The following NKAIN2 variants were observed in gnomAD, a reference collection of about 807,000 sequenced individuals.
The protein encoded by NKAIN2 is sodium/potassium-transporting ATPase subunit beta-1-interacting protein 2.
A neutral mutation model predicts 32.6 loss-of-function variants in NKAIN2; 14 were observed. That is an observed-to-expected ratio of 0.43 (90% CI 0.28 to 0.67). The LOEUF (loss-of-function observed/expected upper bound fraction) is 0.67. Among genes scored for constraint, NKAIN2 ranks in the 30% least tolerant of loss-of-function variants. The pLI is 0.17. For missense variants in NKAIN2, 198 were observed against 258.3 expected (o/e 0.77, Z 1.60); for synonymous variants, 80 against 87.2 (o/e 0.92, Z 0.46).
At chr6:124,286,665 TGTGTGTGTGCGCGCGC>T (rs1795560763) in intron 2 of NKAIN2, among the ~76,000 whole-genome samples, 2 of 123,922 alleles carry the variant, frequency 1.6e-5, no homozygotes, top group African/African-American at 9.3e-5. Flanking sequence ...TGTGTGTGTG[TGTGTGTGTGCGCGCGC>T]GTGTGTGTGT....
intron 1 of NKAIN2, among the ~76,000 whole-genome samples, chr6:124,216,209 G>A (rs1791471412): frequency 6.6e-6 from 1 of 151,864 alleles, no homozygotes; most frequent in Non-Finnish European, 1.5e-5. Context: ...AGAAATATGT[G>A]CGAGGATTTC....
intron 1 of NKAIN2, among the ~76,000 whole-genome samples, chr6:123,966,204 T>C (rs1400556140): frequency 6.6e-6 from 1 of 152,200 alleles, no homozygotes; most frequent in Non-Finnish European, 1.5e-5. Context: ...CAGGGAATAC[T>C]GGCTGAGAGA....
intron 1 of NKAIN2, among the ~76,000 whole-genome samples, chr6:124,163,770 T>G (rs1788393236): frequency 6.6e-6 from 1 of 151,906 alleles, no homozygotes; most frequent in African/African-American, 2.4e-5. Flanking sequence ...GTGGAAACTG[T>G]GAGGGAAGAT....
At chr6:124,100,197 G>GC (rs1270923189) in intron 1 of NKAIN2, among the ~76,000 whole-genome samples, 1 of 152,210 alleles carries the variant, frequency 6.6e-6, no homozygotes, top group Non-Finnish European at 1.5e-5. Context: ...ACAAAGCGAT[G>GC]CTTGAGTGCA....
intron 1 of NKAIN2, among the ~76,000 whole-genome samples, chr6:124,170,180 T>C (rs1437231399): frequency 1.3e-5 from 2 of 152,152 alleles, no homozygotes; most frequent in Non-Finnish European, 2.9e-5. Context: ...TTCCCTGCAT[T>C]ATTGTCTAAT....
Position 124,579,851 on chromosome 6 carries a change from C to T in NKAIN2, c.274-78335C>T, listed in dbSNP as rs74817575. Among the ~76,000 whole-genome samples the T allele has an allele frequency of 2.4e-3, 360 of 152,284 alleles. 1 individual carries two copies. The highest frequency in any genetic ancestry group is 8.2e-3 in the African/African-American group (342 of 41,538). ...GCAGCAAGAGAAAAGAAATTAATAA[C>T]ATACAATGGCGCTCCAATACATCTG... On this transcript the variant is annotated intron_variant, in intron 3 of 6. Transcript: ENST00000368417.
At chr6:124,121,862 T>G in intron 1 of NKAIN2, 1 of 1,118,238 alleles carries the variant, frequency 8.9e-7, no homozygotes, top group South Asian at 1.4e-5. Flanking sequence ...TATTTGTCCC[T>G]CTGGTATATT....
rs1294999350 is a variant in NKAIN2 at position 123,907,044 on chromosome 6, A to G, written c.54+102790A>G. ...AGCTAGAGGCCTTCTGTTGTATCTGATCTCCTGTGAACAGTGGCAATTTCT... is the reference window on the plus strand; with the variant it reads ...AGCTAGAGGCCTTCTGTTGTATCTGGTCTCCTGTGAACAGTGGCAATTTCT... On this transcript the variant is annotated intron_variant, in intron 1 of 6. Transcript: ENST00000368417. Among the ~76,000 whole-genome samples, 3 of 152,122 alleles carry G rather than the reference A, an allele frequency of 2.0e-5. No individual in the cohort carries two copies. The East Asian group carries it at 5.8e-4, about 29-fold the overall frequency.
intron 3 of NKAIN2, among the ~76,000 whole-genome samples, chr6:124,576,849 G>T (rs528024570): frequency 1.3e-5 from 2 of 152,216 alleles, no homozygotes; most frequent in East Asian, 3.9e-4. Flanking sequence ...AGACCTAAAT[G>T]TAAACCCAAA....
chr6:124,500,421 G>C (rs1778241661), intron 3 of NKAIN2, among the ~76,000 whole-genome samples: 2 of 152,020 alleles, frequency 1.3e-5, no homozygotes, highest in African/African-American at 4.8e-5. Flanking sequence ...GGCTGAGGCT[G>C]GTGGATCACT....
chr6:124,712,890 C>T (rs1195742130), intron 4 of NKAIN2, among the ~76,000 whole-genome samples: 1 of 152,038 alleles, frequency 6.6e-6, no homozygotes, highest in Admixed American at 6.5e-5. Flanking sequence ...AACATTGCAT[C>T]TCACTATATA....
chr6:124,207,513 T>C (rs1257713570), intron 1 of NKAIN2, among the ~76,000 whole-genome samples: 2 of 151,138 alleles, frequency 1.3e-5, no homozygotes, highest in Non-Finnish European at 3.0e-5. Context: ...ACAGTTTTAC[T>C]ATAGCATTTC....
chr6:124,446,927 G>T (rs1424838536), intron 3 of NKAIN2, among the ~76,000 whole-genome samples: 1 of 152,012 alleles, frequency 6.6e-6, no homozygotes, highest in East Asian at 1.9e-4. Context: ...GTATCTAGTG[G>T]GTGAACAGCA....
intron 1 of NKAIN2, among the ~76,000 whole-genome samples, chr6:123,885,393 G>A (rs1207754215): frequency 6.6e-6 from 1 of 151,932 alleles, no homozygotes; most frequent in Admixed American, 6.6e-5. Flanking sequence ...TACAATAACT[G>A]TATTTCAGCC....
At chr6:123,806,779 C>T (rs1314169740) in intron 1 of NKAIN2, among the ~76,000 whole-genome samples, 1 of 151,750 alleles carries the variant, frequency 6.6e-6, no homozygotes, top group Non-Finnish European at 1.5e-5. Context: ...GGAAAAAAGG[C>T]CAAAGAGACT....
intron 3 of NKAIN2, among the ~76,000 whole-genome samples, chr6:124,461,995 A>T (rs931738077): frequency 2.6e-5 from 4 of 151,922 alleles, no homozygotes; most frequent in Non-Finnish European, 5.9e-5. Context: ...AAAGTTGATG[A>T]TATCTCAATA....
intron 1 of NKAIN2, among the ~76,000 whole-genome samples, chr6:124,124,474 T>C (rs556909407): frequency 6.6e-6 from 1 of 152,278 alleles, no homozygotes; most frequent in East Asian, 1.9e-4. Context: ...TCCTGCAGAT[T>C]AATATAGCTA....
At chr6:124,657,174 C>T (rs755078903) in intron 3 of NKAIN2, among the ~76,000 whole-genome samples, 11 of 152,334 alleles carry the variant, frequency 7.2e-5, no homozygotes, top group Non-Finnish European at 1.5e-4. Flanking sequence ...GTTATCTGTA[C>T]AGGGTCTGCC....
At chr6:124,709,623 G>T (rs1472425274) in intron 4 of NKAIN2, among the ~76,000 whole-genome samples, 1 of 149,466 alleles carries the variant, frequency 6.7e-6, no homozygotes, top group African/African-American at 2.5e-5. Flanking sequence ...TAGTTTATTT[G>T]CGTAGAGGTA....
Sources: gnomAD v4.1 joint callset for allele counts (sites outside exome capture counted in the v4.1 genomes callset) on GRCh38, gnomAD v4.1.1 for gene constraint, MANE v1.5 for transcripts, NCBI Gene and HGNC (gene_info 2026-07-23, HGNC 2026-07-21) for gene names.